Variants in PRKCQ observed in about 807,000 individuals in gnomAD.
The protein encoded by PRKCQ is protein kinase C theta.
A neutral mutation model predicts 91.2 loss-of-function variants in PRKCQ; 41 were observed. That is an observed-to-expected ratio of 0.45 (90% CI 0.35 to 0.58). The LOEUF (loss-of-function observed/expected upper bound fraction) is 0.58, where lower values mean the gene tolerates loss of function less well. Among genes scored for constraint, PRKCQ ranks in the 20% least tolerant of loss-of-function variants. The pLI, the probability that PRKCQ is intolerant of heterozygous loss-of-function variation, is 0.00. For missense variants in PRKCQ, 673 were observed against 896.5 expected, an observed-to-expected ratio of 0.75 and a Z score of 3.18; for synonymous variants, 307 against 316.9, an observed-to-expected ratio of 0.97 and a Z score of 0.33.
the PRKCQ span, among the ~76,000 whole-genome samples, chr10:6,395,712 C>T: frequency 6.6e-6 from 1 of 152,280 alleles, no homozygotes; most frequent in East Asian, 1.9e-4. Flanking sequence ...CCAAAGTTAG[C>T]TCAGCCCAGG....
intron 10 of PRKCQ, among the ~76,000 whole-genome samples, chr10:6,484,766 G>A (rs1368610091): frequency 2.0e-5 from 3 of 152,310 alleles, no homozygotes; most frequent in Admixed American, 2.0e-4. Flanking sequence ...GTGGCTTTGA[G>A]TCCTTCTCTT....
chr10:6,507,834 T>C (rs947920292), intron 3 of PRKCQ, among the ~76,000 whole-genome samples: 2 of 152,224 alleles, frequency 1.3e-5, no homozygotes, highest in Non-Finnish European at 2.9e-5. Context: ...ATCTTCATCA[T>C]GACAAAAGAA....
At chr10:6,449,112 G>T (rs806391) in intron 15 of PRKCQ, among the ~76,000 whole-genome samples, 137,623 of 141,404 alleles carry the variant, frequency 0.97, 66,934 homozygotes, top group Middle Eastern at 1. Flanking sequence ...AGAGAAGAAG[G>T]CTTCAGATGA....
chr10:6,395,075 T>TTTTTC, the PRKCQ span, among the ~76,000 whole-genome samples: 41 of 135,806 alleles, frequency 3.0e-4, 1 homozygote, highest in Middle Eastern at 3.9e-3. Flanking sequence ...TTTTTTTTTT[T>TTTTTC]TTTTTGAGAC....
At chr10:6,454,991 T>C (rs1033655857) in intron 15 of PRKCQ, among the ~76,000 whole-genome samples, 5 of 152,150 alleles carry the variant, frequency 3.3e-5, no homozygotes, top group African/African-American at 1.2e-4. Flanking sequence ...ACCCAAAATC[T>C]GTAGACAGGA....
rs1037495501 is a variant in PRKCQ at position 6,497,466 on chromosome 10, C to G, written c.543-215G>C. Among the ~76,000 whole-genome samples, 46 of 152,180 alleles carry G rather than the reference C, an allele frequency of 3.0e-4. No homozygotes were observed. Among genetic ancestry groups the G allele is most frequent in the African/African-American group, 1.0e-3 (42 of 41,444 alleles). Reference sequence around the variant, plus strand: ...TGATAATTAAATAAATGAGAACTGGCTGATTTATCATCCTTGTATTTTCCA... The same window carrying G: ...TGATAATTAAATAAATGAGAACTGGGTGATTTATCATCCTTGTATTTTCCA... On this transcript the variant is annotated intron_variant, in intron 5 of 17. Transcript: ENST00000263125. This position sits in a 1 kb window ranked among gnomAD's most constrained non-coding sequence, Gnocchi z 4.5.
chr10:6,553,505 A>ATAAAT lies in PRKCQ; in HGVS notation c.-10+26705_-10+26706insATTTA, dbSNP rs1398088101. ...ACCCTGTCTCAAAAAAAAAAAAAAAAAAAAAAAAAAAACAAACAAACAAAA... is the reference window on the plus strand; with the variant it reads ...ACCCTGTCTCAAAAAAAAAAAAAAAATAAATAAAAAAAAAAAACAAACAAACAAAA... On this transcript the variant is annotated intron_variant, in intron 1 of 17. Transcript: ENST00000263125. Among the ~76,000 whole-genome samples, 555 of 134,362 alleles carry ATAAAT rather than the reference A, an allele frequency of 4.1e-3. 15 individuals carry two copies. The highest frequency in any genetic ancestry group is 6.2e-3 in the African/African-American group (217 of 34,966). 88.1% of individuals were successfully genotyped at this position (134,362 alleles called of 152,430 possible).
At chr10:6,459,550 G>T (rs61840397) in intron 14 of PRKCQ, among the ~76,000 whole-genome samples, 1 of 152,304 alleles carries the variant, frequency 6.6e-6, no homozygotes, top group African/African-American at 2.4e-5. Context: ...TGGAAAAAGG[G>T]TCTTTTTTTC....
intron 1 of PRKCQ, among the ~76,000 whole-genome samples, chr10:6,523,361 G>A (rs1453102442): frequency 2.0e-5 from 3 of 152,114 alleles, no homozygotes; most frequent in Non-Finnish European, 4.4e-5. Flanking sequence ...CAAAGTGGAA[G>A]GATCACTTGA....
intron 16 of PRKCQ, among the ~76,000 whole-genome samples, chr10:6,435,007 C>T (rs562972684): frequency 3.9e-5 from 6 of 152,318 alleles, no homozygotes; most frequent in African/African-American, 1.2e-4. Context: ...CTCCGCCTCC[C>T]GCGTTCATGC....
the PRKCQ span, among the ~76,000 whole-genome samples, chr10:6,422,111 A>T: frequency 6.6e-6 from 1 of 152,208 alleles, no homozygotes; most frequent in Non-Finnish European, 1.5e-5. Context: ...TCAATCAGAT[A>T]GAATTATTTT....
At chr10:6,423,473 C>T (rs745337594), downstream of PRKCQ, among the ~76,000 whole-genome samples, 8 of 152,188 alleles carry the variant, frequency 5.3e-5, no homozygotes, top group Non-Finnish European at 1.2e-4. Context: ...CATTCCCCGG[C>T]CTGCCGTCGG....
the PRKCQ span, among the ~76,000 whole-genome samples, chr10:6,400,318 C>T: frequency 6.6e-6 from 1 of 152,214 alleles, no homozygotes; most frequent in Non-Finnish European, 1.5e-5. Flanking sequence ...AAAGGACAGA[C>T]ATCTTGCTTG....
the PRKCQ span, among the ~76,000 whole-genome samples, chr10:6,415,405 C>CATATATAT: frequency 7.6e-4 from 80 of 104,842 alleles, no homozygotes; most frequent in African/African-American, 1.0e-3. Context: ...CAAGAAAATA[C>CATATATAT]ATATATATAT....
At chr10:6,431,324 GCA>G (rs1833412657) in intron 16 of PRKCQ, among the ~76,000 whole-genome samples, 1 of 152,102 alleles carries the variant, frequency 6.6e-6, no homozygotes, top group South Asian at 2.1e-4. Flanking sequence ...ACATAGACAG[GCA>G]CACACGTGCA....
At chr10:6,574,250 G>A (rs774167196) in intron 1 of PRKCQ, among the ~76,000 whole-genome samples, 7 of 152,240 alleles carry the variant, frequency 4.6e-5, no homozygotes, top group Non-Finnish European at 8.8e-5. Flanking sequence ...GCCGAGTGCT[G>A]TGAGTTCATG....
chr10:6,464,701 G>A (rs1034952786), intron 12 of PRKCQ, among the ~76,000 whole-genome samples: 1 of 152,178 alleles, frequency 6.6e-6, no homozygotes, highest in Non-Finnish European at 1.5e-5. Flanking sequence ...GCCCACCTTG[G>A]CCTCCCAAAG....
At chr10:6,519,276 T>C (rs1173081229) in intron 1 of PRKCQ, among the ~76,000 whole-genome samples, 1 of 152,182 alleles carries the variant, frequency 6.6e-6, no homozygotes, top group Admixed American at 6.5e-5. Context: ...GTGTGATCTG[T>C]CCTCTGTGCA....
chr10:6,532,974 G>T (rs974082204), intron 1 of PRKCQ, among the ~76,000 whole-genome samples: 1 of 152,098 alleles, frequency 6.6e-6, no homozygotes, highest in Non-Finnish European at 1.5e-5. Context: ...TAAGCTCTAT[G>T]ACTTCAAAAG....
Sources: allele counts gnomAD v4.1 joint callset (sites outside exome capture counted in the v4.1 genomes callset), GRCh38; gene constraint gnomAD v4.1.1; non-coding constraint Gnocchi (gnomAD v3.1); transcripts MANE v1.5; gene names NCBI Gene and HGNC (gene_info 2026-07-23, HGNC 2026-07-21).